The following SLC16A12 variants were observed in gnomAD, a reference collection of about 807,000 sequenced individuals.
SLC16A12 encodes monocarboxylate transporter 12.
SLC16A12 carries 17 observed loss-of-function variants against 42.4 expected under a neutral mutation model. That is an observed-to-expected ratio of 0.40 (90% CI 0.27 to 0.60). The LOEUF (loss-of-function observed/expected upper bound fraction) is 0.60, where lower values mean the gene tolerates loss of function less well. SLC16A12 is among the 20% of genes least tolerant of loss of function. The pLI is 0.42. For synonymous variants in SLC16A12, 224 were observed against 229.4 expected (o/e 0.98, Z 0.21); for missense variants, 544 against 623.0 (o/e 0.87, Z 1.35).
intron 2 of SLC16A12, among the ~76,000 whole-genome samples, chr10:89,530,454 G>A (rs1843527680): frequency 6.7e-6 from 1 of 150,096 alleles, no homozygotes; most frequent in Admixed American, 6.7e-5. Flanking sequence ...GTCTCGCTCT[G>A]TTGCCCAGGC....
chr10:89,491,719 G>A (rs1347117579), intron 2 of SLC16A12, among the ~76,000 whole-genome samples: 2 of 152,120 alleles, frequency 1.3e-5, no homozygotes, highest in Non-Finnish European at 2.9e-5. Context: ...AATTGAGACT[G>A]TGTTTGTGAC....
chr10:89,462,343 G>A (rs754271522), intron 3 of SLC16A12, 36 bp downstream of exon 3: 1 of 1,613,134 alleles, frequency 6.2e-7, no homozygotes, highest in Non-Finnish European at 8.5e-7. Context: ...GACAGGCCAG[G>A]TCATCTTAAT....
intron 2 of SLC16A12, among the ~76,000 whole-genome samples, chr10:89,503,751 C>T (rs183211244): frequency 2.6e-5 from 4 of 152,210 alleles, no homozygotes; most frequent in Middle Eastern, 3.4e-3. Flanking sequence ...TGGTGGAGTC[C>T]GCAATTGTTC....
chr10:89,478,728 A>G (rs971417497), intron 2 of SLC16A12, among the ~76,000 whole-genome samples: 10 of 152,364 alleles, frequency 6.6e-5, no homozygotes, highest in Admixed American at 5.9e-4. Flanking sequence ...CCCAAGTTAC[A>G]GACTCAAATT....
chr10:89,470,081 T>C (rs972121414), intron 2 of SLC16A12, among the ~76,000 whole-genome samples: 2 of 152,192 alleles, frequency 1.3e-5, no homozygotes, highest in African/African-American at 4.8e-5. Context: ...AATATTCCCT[T>C]ATGTCATTAA....
chr10:89,458,578 C>A (rs1387881516), intron 3 of SLC16A12, among the ~76,000 whole-genome samples: 2 of 152,152 alleles, frequency 1.3e-5, no homozygotes, highest in African/African-American at 4.8e-5. Context: ...CTGGAGTGAA[C>A]TGATTTTGCC....
chr10:89,537,145 GT>G (rs376769096), upstream of SLC16A12, among the ~76,000 whole-genome samples: 191 of 105,650 alleles, frequency 1.8e-3, no homozygotes, highest in South Asian at 3.4e-3. Context: ...CCGTAGGTAT[GT>G]TTTTTTTTTT....
chr10:89,506,152 G>A (rs1843058045), intron 2 of SLC16A12, among the ~76,000 whole-genome samples: 1 of 152,210 alleles, frequency 6.6e-6, no homozygotes, highest in Admixed American at 6.5e-5. Context: ...CACAGCTTCA[G>A]CAGACTTAAA....
chr10:89,465,011 T>A (rs1239395247), intron 2 of SLC16A12, among the ~76,000 whole-genome samples: 1 of 152,186 alleles, frequency 6.6e-6, no homozygotes, highest in Non-Finnish European at 1.5e-5. Flanking sequence ...CTGGAAATGA[T>A]AATATTGCTA....
At chr10:89,463,717 T>A (rs73371314) in intron 2 of SLC16A12, among the ~76,000 whole-genome samples, 1,547 of 152,270 alleles carry the variant, frequency 0.01, 24 homozygotes, top group African/African-American at 0.035. Context: ...AAAAAAACAT[T>A]AGCAATACAT....
At chr10:89,499,622 A>G (rs1431678189) in intron 2 of SLC16A12, among the ~76,000 whole-genome samples, 1 of 152,212 alleles carries the variant, frequency 6.6e-6, no homozygotes, top group African/African-American at 2.4e-5. Context: ...GACACAACCT[A>G]TCAAAACCTC....
intron 2 of SLC16A12, among the ~76,000 whole-genome samples, chr10:89,496,623 T>C (rs1364271511): frequency 6.6e-6 from 1 of 152,194 alleles, no homozygotes; most frequent in African/African-American, 2.4e-5. Context: ...TCACAAAAGT[T>C]GATTTCAGGT....
At chr10:89,526,514 G>T (rs1030484548) in intron 2 of SLC16A12, among the ~76,000 whole-genome samples, 1 of 152,162 alleles carries the variant, frequency 6.6e-6, no homozygotes. Context: ...ACACAGATCC[G>T]CAGTCGTAGC....
At chr10:89,464,995 T>C (rs1044952350) in intron 2 of SLC16A12, among the ~76,000 whole-genome samples, 1 of 152,142 alleles carries the variant, frequency 6.6e-6, no homozygotes. Flanking sequence ...AAAATAAAAG[T>C]TATTACTGGA....
At chr10:89,478,012 A>C (rs1200208676) in intron 2 of SLC16A12, among the ~76,000 whole-genome samples, 1 of 152,158 alleles carries the variant, frequency 6.6e-6, no homozygotes, top group East Asian at 1.9e-4. Context: ...ATTGTTTATA[A>C]AGGTATAAGC....
At chr10:89,533,478 A>G (rs1843592292) in intron 2 of SLC16A12, among the ~76,000 whole-genome samples, 1 of 152,186 alleles carries the variant, frequency 6.6e-6, no homozygotes, top group Admixed American at 6.5e-5. Flanking sequence ...TAAATAAGTC[A>G]CTTTGAAACT....
chr10:89,453,268 C>T (rs2026913), intron 3 of SLC16A12, among the ~76,000 whole-genome samples: 54,785 of 152,058 alleles, frequency 0.36, 10,237 homozygotes, highest in African/African-American at 0.41. Flanking sequence ...GTGCAAACAA[C>T]AACAAAAACC....
At chr10:89,502,277 C>T (rs1285502683) in intron 2 of SLC16A12, among the ~76,000 whole-genome samples, 2 of 151,818 alleles carry the variant, frequency 1.3e-5, no homozygotes, top group Non-Finnish European at 1.5e-5. Flanking sequence ...GGTGAAACCC[C>T]GTCTCTACTA....
intron 3 of SLC16A12, among the ~76,000 whole-genome samples, chr10:89,452,030 T>C (rs892757995): frequency 2.6e-5 from 4 of 152,240 alleles, no homozygotes; most frequent in Admixed American, 2.0e-4. Context: ...GCAGTGGTGT[T>C]ATAAGAATCA....
Sources: gnomAD v4.1 joint callset for allele counts (sites outside exome capture counted in the v4.1 genomes callset) on GRCh38, gnomAD v4.1.1 for gene constraint, MANE v1.5 for transcripts, NCBI Gene and HGNC (gene_info 2026-07-23, HGNC 2026-07-21) for gene names.